The following RPS6KA6 variants were observed in gnomAD, a reference collection of about 807,000 sequenced individuals.
The protein encoded by RPS6KA6 is ribosomal protein S6 kinase A6.
A neutral mutation model predicts 65.4 loss-of-function variants in RPS6KA6; 27 were observed. The ratio of observed to expected loss-of-function variants is 0.41; its 90% confidence interval spans 0.30 to 0.57. The LOEUF is 0.57. RPS6KA6 is among the 20% of genes least tolerant of loss of function. RPS6KA6 has a pLI of 0.24. For missense variants in RPS6KA6, 486 were observed against 555.6 expected, an observed-to-expected ratio of 0.87 and a Z score of 1.26; for synonymous variants, 190 against 184.2, an observed-to-expected ratio of 1.03 and a Z score of -0.26.
chrX:84,118,334 G>A (rs914803759), intron 9 of RPS6KA6, among the ~76,000 whole-genome samples: 1 of 111,254 alleles, frequency 9.0e-6, no homozygotes, highest in East Asian at 2.8e-4. Flanking sequence ...GTAATGGTAC[G>A]CCACCAAAGA....
chrX:84,173,518 T>C (rs139294652), intron 1 of RPS6KA6, among the ~76,000 whole-genome samples: 4,931 of 111,998 alleles, frequency 0.044, 97 homozygotes, highest in Middle Eastern at 0.11. Flanking sequence ...CAGAAAAAAA[T>C]AAAAACATTT....
intron 12 of RPS6KA6, among the ~76,000 whole-genome samples, chrX:84,114,907 TGAA>T (rs1388953057): frequency 1.8e-5 from 2 of 111,601 alleles, no homozygotes; most frequent in Admixed American, 9.5e-5. Flanking sequence ...CCTAGCCACA[TGAA>T]GAAGAATAAA....
At chrX:84,166,506 A>G (rs1351964460) in intron 1 of RPS6KA6, among the ~76,000 whole-genome samples, 1 of 111,871 alleles carries the variant, frequency 8.9e-6, no homozygotes, top group East Asian at 2.8e-4. Context: ...GGCTGAGGAA[A>G]TAAACTTTAA....
chrX:84,123,604 T>C (rs929730486), intron 8 of RPS6KA6, among the ~76,000 whole-genome samples: 2 of 112,229 alleles, frequency 1.8e-5, no homozygotes, highest in African/African-American at 6.5e-5. Flanking sequence ...CCCTTCTCCC[T>C]GTGGAGAGGG....
At position 84,058,705 on chromosome X, in the gene RPS6KA6, ATTGT is replaced by A. The variant is rs1430142764; in HGVS notation, c.*5568_*5571del. On this transcript the variant is annotated 3_prime_UTR_variant, in exon 22 of 22. Transcript: ENST00000262752. ...ATAAAATAGTTTTTGAACACTGGGGATTGTTTAACTGCAGCTTTGAAGTTTTTAA... is the reference window on the plus strand; with the variant it reads ...ATAAAATAGTTTTTGAACACTGGGGATTAACTGCAGCTTTGAAGTTTTTAA... 3 of 111,885 alleles carry A rather than the reference ATTGT, an allele frequency of 2.7e-5. No homozygotes were observed. Among genetic ancestry groups the A allele is most frequent in the Admixed American group, 9.5e-5 (1 of 10,509 alleles). 9.2% of individuals were successfully genotyped at this position (111,885 alleles called of 1,213,427 possible).
chrX:84,135,142 G>A lies in RPS6KA6; in HGVS notation c.570C>T (p.His190=). 8.3e-7 allele frequency: 1 copy of A among 1,206,290 alleles called. No individual in the cohort carries two copies. Among genetic ancestry groups the A allele is most frequent in the Non-Finnish European group, 1.1e-6 (1 of 891,635 alleles). The change falls in exon 7 of 22, where the codon CAC becomes CAT. Residue 190 remains histidine (H), a synonymous_variant. Coordinates refer to ENST00000262752, the MANE Select transcript of RPS6KA6 (RefSeq NM_014496.5). ...AELALALDHL[H]QLGIVYRDLK... ...GGTCTCTATAAACAATTCCTAATTG[G>A]TGCAGATGATCCAAAGCAAGGGCCA...
intron 8 of RPS6KA6, among the ~76,000 whole-genome samples, chrX:84,131,936 T>G (rs2034905280): frequency 8.9e-6 from 1 of 112,058 alleles, no homozygotes; most frequent in African/African-American, 3.2e-5. Flanking sequence ...ATTTGATGAA[T>G]AGTTACTATA....
At position 84,176,249 on chromosome X, in the gene RPS6KA6, A is replaced by G. The variant is rs144618007; in HGVS notation, c.81+11570T>C. On this transcript the variant is annotated intron_variant, in intron 1 of 21. Transcript: ENST00000262752. ...TTTGAATAGCTCCAAAGTGTTCCCA[A>G]TGCAAAGGCACTGGCTGTCTGGCCA... is the stretch of plus-strand genomic sequence containing the variant. Among the ~76,000 whole-genome samples the G allele has an allele frequency of 8.8e-3, 983 of 112,096 alleles. 16 individuals are homozygous for G. The highest frequency in any genetic ancestry group is 0.031 in the African/African-American group (947 of 30,884).
Position 84,113,234 on chromosome X carries a change from G to T in RPS6KA6, c.1008+2995C>A, listed in dbSNP as rs776336129. ...TCTAGAAACAAGTTTTTCCAGACAT[G>T]CAAAGAAGAGCTGGTGCCAATCTTA... On this transcript the variant is annotated intron_variant, in intron 12 of 21. Coordinates refer to ENST00000262752, the MANE Select transcript of RPS6KA6 (RefSeq NM_014496.5). 1.1e-4 allele frequency among the ~76,000 whole-genome samples: 12 copies of T among 111,257 alleles called. No individual in the cohort carries two copies. The East Asian group carries it at 3.4e-3, about 32-fold the overall frequency.
intron 1 of RPS6KA6, among the ~76,000 whole-genome samples, chrX:84,176,804 T>C (rs894405134): frequency 9.0e-6 from 1 of 111,333 alleles, no homozygotes; most frequent in Non-Finnish European, 1.9e-5. Context: ...TCATAAACAA[T>C]GGAGAATAAA....
chrX:84,069,365 A>T (rs2033482373), intron 20 of RPS6KA6, among the ~76,000 whole-genome samples: 1 of 112,133 alleles, frequency 8.9e-6, no homozygotes, highest in African/African-American at 3.2e-5. Context: ...AGCTATATGT[A>T]GAAAGCTGAA....
At chrX:84,122,755 T>TA (rs2034703099) in intron 8 of RPS6KA6, among the ~76,000 whole-genome samples, 1 of 111,046 alleles carries the variant, frequency 9.0e-6, no homozygotes, top group African/African-American at 3.3e-5. Context: ...TAGGTAAACT[T>TA]AAAAGGCAGT....
intron 6 of RPS6KA6, among the ~76,000 whole-genome samples, chrX:84,143,561 T>TA (rs1205372249): frequency 9.0e-6 from 1 of 111,588 alleles, no homozygotes; most frequent in Non-Finnish European, 1.9e-5. Flanking sequence ...TTGAGAAAGA[T>TA]ACCACGTTCA....
At chrX:84,096,005 A>G (rs1400080646) in intron 20 of RPS6KA6, among the ~76,000 whole-genome samples, 189 bp downstream of exon 20, 2 of 111,868 alleles carry the variant, frequency 1.8e-5, no homozygotes, top group Non-Finnish European at 3.8e-5. Context: ...TCAGAAAGGA[A>G]GGTGGCCCAG....
chrX:84,146,847 T>C (rs772624529), intron 5 of RPS6KA6, 131 bp downstream of exon 5: 7 of 350,776 alleles, frequency 2.0e-5, no homozygotes, highest in African/African-American at 1.9e-4. Flanking sequence ...ACATTTTACG[T>C]AGCTGAATAT....
At chrX:84,138,801 TTGTGTGTGTG>T (rs3077407) in intron 6 of RPS6KA6, among the ~76,000 whole-genome samples, 31,926 of 98,723 alleles carry the variant, frequency 0.32, 4,575 homozygotes, top group Non-Finnish European at 0.43. Context: ...ACCTGTGTAT[TTGTGTGTGTG>T]TGTGTGTGTG....
rs1365160903 is a variant in RPS6KA6, at chrX:84,106,479, T to C, written c.1251A>G (p.Gly417=). The C allele has an allele frequency of 8.9e-7, 1 of 1,126,680 alleles. No homozygotes were observed. The highest frequency in any genetic ancestry group is 1.8e-5 in the African/African-American group (1 of 55,606). 92.9% of individuals were successfully genotyped at this position (1,126,680 alleles called of 1,213,427 possible). A position where few individuals can be genotyped will look rare whatever the true frequency, so the allele number is the denominator to read the frequency against. Residue 417 remains glycine (G), a synonymous_variant, in exon 15 of 22, where the codon GGA becomes GGG. Transcript: ENST00000262752. ...ANVLPIVQIN[G]NAAQFGEVYE... is the part of the protein sequence containing the mutation. ...ATACTTCACCAAATTGTGCAGCATT[T>C]CCATTTATCTGTTTATTTTTAAAAA...
intron 8 of RPS6KA6, among the ~76,000 whole-genome samples, chrX:84,128,113 G>T (rs192352991): frequency 5.4e-5 from 6 of 111,631 alleles, no homozygotes; most frequent in Non-Finnish European, 7.5e-5. Flanking sequence ...GACAAACTCA[G>T]CAAAGTTGCA....
Position 84,060,156 on chromosome X carries a change from C to T in RPS6KA6, c.*4121G>A, listed in dbSNP as rs896046423. 9.0e-6 allele frequency: 1 copy of T among 111,019 alleles called. No homozygotes were observed. Among genetic ancestry groups the T allele is most frequent in the African/African-American group, 3.3e-5 (1 of 30,590 alleles). 9.1% of individuals were successfully genotyped at this position (111,019 alleles called of 1,213,427 possible). ...AATCACTATCAATGCCACTATATTC[C>T]CACATAAAAAGGCAAATAGCCCACT... On this transcript the variant is annotated 3_prime_UTR_variant, in exon 22 of 22. Coordinates refer to ENST00000262752, the MANE Select transcript of RPS6KA6 (RefSeq NM_014496.5).
Sources: allele counts gnomAD v4.1 joint callset (sites outside exome capture counted in the v4.1 genomes callset), GRCh38; gene constraint gnomAD v4.1.1; transcripts MANE v1.5; gene names NCBI Gene and HGNC (gene_info 2026-07-23, HGNC 2026-07-21).